SPAG16: variants seen among roughly 807,000 people sequenced by gnomAD.
SPAG16 encodes the protein sperm-associated antigen 16 protein.
SPAG16 carries 86 observed loss-of-function variants against 80.4 expected under a neutral mutation model. The ratio of observed to expected loss-of-function variants is 1.07; its 90% CI spans 0.90 to 1.28. SPAG16 has a LOEUF of 1.28. Ranked by LOEUF, SPAG16 falls within the 50% of genes most tolerant of loss-of-function variation. The pLI, the probability that SPAG16 is intolerant of heterozygous loss-of-function variation, is 0.00. For missense variants in SPAG16, 870 were observed against 765.3 expected, an observed-to-expected ratio of 1.14 and a Z score of -1.61; for synonymous variants, 294 against 265.9, an observed-to-expected ratio of 1.11 and a Z score of -1.03.
intron 7 of SPAG16, among the ~76,000 whole-genome samples, chr2:213,353,676 G>A (rs768590843): frequency 1.3e-5 from 2 of 151,842 alleles, no homozygotes; most frequent in African/African-American, 4.8e-5. Flanking sequence ...TTGTTACCTC[G>A]TCCCTCAGGC....
intron 10 of SPAG16, among the ~76,000 whole-genome samples, chr2:213,494,888 T>C (rs960868573): frequency 1.3e-5 from 2 of 152,188 alleles, no homozygotes; most frequent in African/African-American, 2.4e-5. Flanking sequence ...CCAAGGTCTT[T>C]CCACTACCTT....
chr2:213,427,893 T>C (rs1397964444), intron 9 of SPAG16, among the ~76,000 whole-genome samples: 1 of 152,204 alleles, frequency 6.6e-6, no homozygotes, highest in African/African-American at 2.4e-5. Flanking sequence ...TTTTCTTTGA[T>C]GGATATATAA....
intron 14 of SPAG16, among the ~76,000 whole-genome samples, chr2:214,122,069 C>T (rs1387356807): frequency 6.6e-6 from 1 of 151,740 alleles, no homozygotes; most frequent in African/African-American, 2.4e-5. Flanking sequence ...AAAATAATCA[C>T]ACACAAATAT....
chr2:213,563,030 AAC>A (rs1180331301), intron 10 of SPAG16, among the ~76,000 whole-genome samples: 1 of 152,154 alleles, frequency 6.6e-6, no homozygotes, highest in Middle Eastern at 3.2e-3. Context: ...ATGGCGGGGG[AAC>A]ACAGACATTT....
At chr2:213,990,279 G>A (rs536210370) in intron 12 of SPAG16, among the ~76,000 whole-genome samples, 7 of 152,076 alleles carry the variant, frequency 4.6e-5, no homozygotes, top group African/African-American at 9.7e-5. Flanking sequence ...AAATACTAGA[G>A]TTGTATTATT....
At chr2:213,750,874 T>C (rs1446120614) in intron 10 of SPAG16, among the ~76,000 whole-genome samples, 2 of 152,222 alleles carry the variant, frequency 1.3e-5, no homozygotes, top group African/African-American at 4.8e-5. Context: ...TGCATCCTCA[T>C]CATAACAGCT....
At chr2:213,302,357 A>G (rs1427489084) in intron 3 of SPAG16, among the ~76,000 whole-genome samples, 2 of 152,196 alleles carry the variant, frequency 1.3e-5, no homozygotes, top group African/African-American at 2.4e-5. Flanking sequence ...TTAAGTATAC[A>G]TAATGGTTGC....
intron 15 of SPAG16, among the ~76,000 whole-genome samples, chr2:214,261,840 G>A (rs1367216491): frequency 6.6e-6 from 1 of 152,134 alleles, no homozygotes; most frequent in Non-Finnish European, 1.5e-5. Context: ...AATGTGTGAT[G>A]AGAGACCTCT....
At chr2:213,995,791 A>G (rs1371098591) in intron 12 of SPAG16, among the ~76,000 whole-genome samples, 8 of 152,284 alleles carry the variant, frequency 5.3e-5, no homozygotes, top group African/African-American at 1.7e-4. Flanking sequence ...ATGAAGGGTG[A>G]AACTTAGGAC....
At chr2:214,302,375 G>C (rs1694615826) in intron 15 of SPAG16, among the ~76,000 whole-genome samples, 1 of 152,188 alleles carries the variant, frequency 6.6e-6, no homozygotes, top group South Asian at 2.1e-4. Flanking sequence ...GTAATGACTG[G>C]TGATAGTGCT....
At chr2:213,722,381 T>C (rs2066568629) in intron 10 of SPAG16, among the ~76,000 whole-genome samples, 2 of 152,210 alleles carry the variant, frequency 1.3e-5, no homozygotes, top group Non-Finnish European at 2.9e-5. Flanking sequence ...TGAAATGTGT[T>C]CTCTCATTTG....
intron 10 of SPAG16, among the ~76,000 whole-genome samples, chr2:213,721,042 G>A (rs969862945): frequency 1.3e-5 from 2 of 151,954 alleles, no homozygotes; most frequent in African/African-American, 4.8e-5. Context: ...GTGAGCCACC[G>A]TGCCCAGCCC....
chr2:213,995,855 A>T (rs1223784283), intron 12 of SPAG16, among the ~76,000 whole-genome samples: 1 of 152,200 alleles, frequency 6.6e-6, no homozygotes, highest in African/African-American at 2.4e-5. Context: ...AGATCTGGCT[A>T]CCTTTTCCAG....
intron 13 of SPAG16, among the ~76,000 whole-genome samples, chr2:214,016,380 C>G (rs1251709365): frequency 1.3e-5 from 2 of 152,156 alleles, no homozygotes; most frequent in Non-Finnish European, 2.9e-5. Context: ...TATTCACTAT[C>G]ACGAGAACAG....
rs191977591 is a variant in SPAG16, at chr2:214,166,578, A to C, written c.1720+17312A>C. On this transcript the variant is annotated intron_variant, in intron 15 of 15. Coordinates refer to ENST00000331683, the MANE Select transcript of SPAG16 (RefSeq NM_024532.5). Reference sequence around the variant, plus strand: ...CAACTCTTCACTGCTTCTAATTTACATATGTATTTCCTTAATTTATTCCTC... The same window carrying C: ...CAACTCTTCACTGCTTCTAATTTACCTATGTATTTCCTTAATTTATTCCTC... 2.6e-5 allele frequency among the ~76,000 whole-genome samples: 4 copies of C among 151,290 alleles called. No individual in the cohort carries two copies. The East Asian group carries it at 7.8e-4, about 29-fold the overall frequency.
intron 12 of SPAG16, among the ~76,000 whole-genome samples, chr2:213,953,497 G>GA (rs1206265126): frequency 6.6e-6 from 1 of 151,476 alleles, no homozygotes; most frequent in Non-Finnish European, 1.5e-5. Context: ...AGAATACTTA[G>GA]AAAAATTAAG....
At chr2:214,080,672 A>G (rs2051340621) in intron 13 of SPAG16, among the ~76,000 whole-genome samples, 1 of 152,032 alleles carries the variant, frequency 6.6e-6, no homozygotes, top group Admixed American at 6.6e-5. Flanking sequence ...CATTAAAGCT[A>G]TTTTAAATAT....
intron 10 of SPAG16, among the ~76,000 whole-genome samples, chr2:213,821,773 T>C (rs1261062633): frequency 6.6e-6 from 1 of 152,202 alleles, no homozygotes; most frequent in Non-Finnish European, 1.5e-5. Flanking sequence ...TTATTTTAAC[T>C]TTTAGCTCTC....
chr2:213,415,602 G>A lies in SPAG16; in HGVS notation c.942+40483G>A, dbSNP rs563309746. ...GGGGCAAATCTTCATGGTTGATTACGTTTGTAGTGTGTGTATGAGAAACAG... is the reference window on the plus strand; with the variant it reads ...GGGGCAAATCTTCATGGTTGATTACATTTGTAGTGTGTGTATGAGAAACAG... On this transcript the variant is annotated intron_variant, in intron 9 of 15. Coordinates refer to ENST00000331683, the MANE Select transcript of SPAG16 (RefSeq NM_024532.5). 7.2e-5 allele frequency among the ~76,000 whole-genome samples: 11 copies of A among 152,284 alleles called. No individual in the cohort carries two copies. The East Asian group carries it at 1.4e-3, about 19-fold the overall frequency.
Sources: gnomAD v4.1 joint callset for allele counts (sites outside exome capture counted in the v4.1 genomes callset) on GRCh38, gnomAD v4.1.1 for gene constraint, MANE v1.5 for transcripts, NCBI Gene and HGNC (gene_info 2026-07-23, HGNC 2026-07-21) for gene names.